The following USP38 variants were observed in gnomAD, a reference collection of about 807,000 sequenced individuals.
USP38 encodes ubiquitin specific peptidase 38, also known as ubiquitin carboxyl-terminal hydrolase 38.
In USP38, 49 loss-of-function variants were observed where a neutral mutation model predicts 94.3. The observed-to-expected ratio is 0.52, with a 90% confidence interval of 0.41 to 0.66. The LOEUF is 0.66. Ranked by LOEUF, USP38 falls within the 30% of genes least tolerant of loss-of-function variation. The pLI is 0.00. For missense variants in USP38, 1,128 were observed against 1,229.4 expected (o/e 0.92, Z 1.23); for synonymous variants, 468 against 463.6 (o/e 1.01, Z -0.12).
Position 143,220,679 on chromosome 4 carries a change from C to T in USP38, c.*223C>T. On this transcript the variant is annotated 3_prime_UTR_variant, in exon 10 of 10. Transcript: ENST00000307017. ...AATTCCATTTGCTTTTATGGTTAGA[C>T]ATGCTTGACCAAAAATGTTCAGAAG... The T allele has an allele frequency of 8.0e-6, 3 of 376,678 alleles. No individual in the cohort carries two copies. The highest frequency in any genetic ancestry group is 1.3e-5 in the Non-Finnish European group (3 of 226,036). The allele number at this position is 376,678 out of a possible 1,614,324, so 23.3% of individuals were successfully genotyped here. A position where few individuals can be genotyped will look rare whatever the true frequency, so the allele number is the denominator to read the frequency against.
chr4:143,216,713 C>A (rs1232910563), intron 9 of USP38, among the ~76,000 whole-genome samples: 1 of 152,070 alleles, frequency 6.6e-6, no homozygotes, highest in African/African-American at 2.4e-5. Flanking sequence ...TGGGCTCAAG[C>A]AATCCTCCCT....
In USP38 at chr4:143,206,180, A is replaced by G. The variant is rs770600573; in HGVS notation, c.1357A>G (p.Thr453Ala). ...GKTGLINLGNTCYMNSVIQAL... is the reference protein window; with the variant it reads ...GKTGLINLGNACYMNSVIQAL... ...AACTGGTCTTATTAACCTAGGAAATACATGTTATATGAACAGTGTTATACA... is the reference window on the plus strand; with the variant it reads ...AACTGGTCTTATTAACCTAGGAAATGCATGTTATATGAACAGTGTTATACA... Residue 453 changes from threonine to alanine, a missense_variant, in exon 6 of 10, where the codon ACA becomes GCA. Thr to Ala is a moderately conservative substitution (Grantham distance 58). Coordinates refer to ENST00000307017, the MANE Select transcript of USP38 (RefSeq NM_032557.6). 2 of 1,613,504 alleles carry G rather than the reference A, an allele frequency of 1.2e-6. No homozygotes were observed. Among genetic ancestry groups the G allele is most frequent in the Non-Finnish European group, 1.7e-6 (2 of 1,179,822 alleles).
chr4:143,186,053 G>A lies in USP38; in HGVS notation c.603G>A (p.Leu201=), dbSNP rs1731213725. ...YVSQVTKVSN[L]LQNIWKAEPA... ...CCCAGGTGACAAAAGTGAGTAACTT[G>A]CTGCAGAACATCTGGAAGGCCGAGC... The change falls in exon 1 of 10, where the codon TTG becomes TTA. Residue 201 remains leucine, a synonymous_variant. Transcript: ENST00000307017. The A allele has an allele frequency of 4.3e-6, 7 of 1,614,092 alleles. No individual in the cohort carries two copies. The highest frequency in any genetic ancestry group is 5.9e-6 in the Non-Finnish European group (7 of 1,180,054).
At position 143,186,758 on chromosome 4, in the gene USP38, G is replaced by C. The variant is rs192887817; in HGVS notation, c.682+626G>C. Among the ~76,000 whole-genome samples the C allele has an allele frequency of 1.7e-3, 265 of 152,308 alleles. 1 individual carries two copies. The highest frequency in any genetic ancestry group is 3.4e-3 in the Middle Eastern group (1 of 294). On this transcript the variant is annotated intron_variant, in intron 1 of 9. Transcript: ENST00000307017. ...CTGCATTCTCAGAAAGCAGAGAAGG[G>C]TCACATGATACTTGCCTAGAAAATG...
intron 3 of USP38, among the ~76,000 whole-genome samples, chr4:143,197,381 A>T (rs1194520874): frequency 6.6e-6 from 1 of 152,066 alleles, no homozygotes; most frequent in Non-Finnish European, 1.5e-5. Context: ...ACTAACCACC[A>T]TGTGTTACTT....
intron 9 of USP38, among the ~76,000 whole-genome samples, chr4:143,217,729 A>T (rs1258417795): frequency 6.6e-6 from 1 of 152,198 alleles, no homozygotes; most frequent in Admixed American, 6.6e-5. Context: ...TACAAGTGTT[A>T]GAAAATGTTG....
chr4:143,209,475 A>G (rs916583443), intron 6 of USP38, 89 bp from the exon 7 acceptor site: 7 of 757,514 alleles, frequency 9.2e-6, no homozygotes, highest in Non-Finnish European at 1.4e-5. Flanking sequence ...GGGCAACAAA[A>G]GGAAACTCTG....
chr4:143,200,848 A>G (rs1328509934), intron 4 of USP38, among the ~76,000 whole-genome samples: 1 of 152,106 alleles, frequency 6.6e-6, no homozygotes, highest in Non-Finnish European at 1.5e-5. Flanking sequence ...ACAATGAGAA[A>G]TACAAAACAG....
chr4:143,194,623 T>C (rs1270598403), intron 2 of USP38, among the ~76,000 whole-genome samples: 1 of 152,148 alleles, frequency 6.6e-6, no homozygotes, highest in Admixed American at 6.5e-5. Flanking sequence ...TTCTCCTGCC[T>C]CAGCCTCCCG....
In USP38 at chr4:143,185,954, T is replaced by G. The variant is rs769784701; in HGVS notation, c.504T>G (p.Cys168Trp). Residue 168 changes from cysteine (C) to tryptophan (W), a missense_variant, in exon 1 of 10, where the codon TGT (cysteine) becomes TGG (tryptophan). Physicochemically the swap from Cys to Trp is radical, Grantham distance 215. Coordinates refer to ENST00000307017, the MANE Select transcript of USP38 (RefSeq NM_032557.6). The part of the protein sequence containing the change: ...IPKGKLSITF[C>W]QQLVRTIGHF... The stretch of plus-strand genomic sequence containing the variant: ...AGGGGAAATTGTCCATCACGTTCTG[T>G]CAACAGCTGGTTCGAACGATAGGCC... 1 of 1,614,126 alleles carries G rather than the reference T, an allele frequency of 6.2e-7. No homozygotes were observed. The highest frequency in any genetic ancestry group is 8.5e-7 in the Non-Finnish European group (1 of 1,180,026).
chr4:143,189,606 G>A (rs527941883), intron 2 of USP38, among the ~76,000 whole-genome samples: 1 of 151,880 alleles, frequency 6.6e-6, no homozygotes, highest in South Asian at 2.1e-4. Flanking sequence ...CTCTTCTAGC[G>A]TTTCTTCTTT....
chr4:143,197,709 C>T (rs1731592431), intron 3 of USP38, 114 bp from the exon 4 acceptor site: 5 of 675,582 alleles, frequency 7.4e-6, no homozygotes, highest in Non-Finnish European at 1.3e-5. Flanking sequence ...TATGTTAGAA[C>T]TTTCCAGAAG....
In USP38 at chr4:143,213,936, T is replaced by G. The variant is rs1363293498; in HGVS notation, c.1960T>G (p.Ser654Ala). 1 of 1,613,640 alleles carries G rather than the reference T, an allele frequency of 6.2e-7. No homozygotes were observed. The highest frequency in any genetic ancestry group is 1.3e-5 in the African/African-American group (1 of 74,894). Residue 654 changes from serine to alanine, a missense_variant, in exon 9 of 10, where the codon TCA becomes GCA. Coordinates refer to ENST00000307017, the MANE Select transcript of USP38 (RefSeq NM_032557.6). ...AATGCAAGCCTCTGTACCCGGTCCT[T>G]CAGAAGAACCAGTAGTTTATAATCC... ...GLMQASVPGP[S>A]EEPVVYNPTT...
chr4:143,185,371 C>G lies in USP38; in HGVS notation c.-80C>G, dbSNP rs1731181582. 2.1e-6 allele frequency: 3 copies of G among 1,461,304 alleles called. No individual in the cohort carries two copies. The highest frequency in any genetic ancestry group is 2.7e-6 in the Non-Finnish European group (3 of 1,095,104). The allele number at this position is 1,461,304 out of a possible 1,614,324, so 90.5% of individuals were successfully genotyped here. A position where few individuals can be genotyped will look rare whatever the true frequency, so the allele number is the denominator to read the frequency against. Reference sequence around the variant, plus strand: ...TGCGGCGCTCCAAGTTCATCTCCGCCCCGGGGCTCTCCTGCCCCACCTCGG... The same window carrying G: ...TGCGGCGCTCCAAGTTCATCTCCGCGCCGGGGCTCTCCTGCCCCACCTCGG... On this transcript the variant is annotated 5_prime_UTR_variant, in exon 1 of 10. Coordinates refer to ENST00000307017, the MANE Select transcript of USP38 (RefSeq NM_032557.6).
In USP38 at chr4:143,185,475, G is replaced by A. The variant is rs764429998; in HGVS notation, c.25G>A (p.Val9Met). The change falls in exon 1 of 10, where the codon GTG becomes ATG. Residue 9 changes from valine (V) to methionine (M), a missense_variant. Transcript: ENST00000307017. The part of the protein sequence containing the change: MDKILEGL[V>M]SSSHPLPLKR... ...AATGGACAAGATCCTGGAGGGCCTTGTGAGTTCCTCGCATCCCCTGCCCCT... is the reference window on the plus strand; with the variant it reads ...AATGGACAAGATCCTGGAGGGCCTTATGAGTTCCTCGCATCCCCTGCCCCT... 4 of 1,599,790 alleles carry A rather than the reference G, an allele frequency of 2.5e-6. No individual in the cohort carries two copies. The African/African-American group carries it at 5.3e-5, about 21-fold the overall frequency.
rs754506809 is a variant in USP38 at position 143,197,870 on chromosome 4, A to C, written c.996A>C (p.Ala332=). 8.7e-6 allele frequency: 14 copies of C among 1,613,880 alleles called. No individual in the cohort carries two copies. In the African/African-American group the frequency reaches 1.7e-4, roughly 20 times the overall value. Residue 332 remains alanine (A), a synonymous_variant, in exon 4 of 10, where the codon GCA becomes GCC. Coordinates refer to ENST00000307017, the MANE Select transcript of USP38 (RefSeq NM_032557.6). ...CTCTTGTGAGACCTGGTGCTCTTGC[A>C]GTTCTTTCTCACATGCTGCTTAGCT... ...WFPLVRPGAL[A]VLSHMLLSFQ...
chr4:143,220,144 AT>A (rs1230321285), intron 9 of USP38, 150 bp from the exon 10 acceptor site: 58 of 704,374 alleles, frequency 8.2e-5, no homozygotes, highest in East Asian at 1.6e-4. Context: ...TCTTAGAGAA[AT>A]TTTTTTTTCT....
chr4:143,199,044 A>C (rs572823798), intron 4 of USP38, among the ~76,000 whole-genome samples: 1 of 152,214 alleles, frequency 6.6e-6, no homozygotes, highest in Admixed American at 6.5e-5. Flanking sequence ...AGGTAAACTC[A>C]TGTCACATGG....
In USP38 at chr4:143,214,028, G is replaced by A. The variant is rs746476649; in HGVS notation, c.2052G>A (p.Glu684=). The A allele has an allele frequency of 1.2e-5, 20 of 1,613,446 alleles. No homozygotes were observed. The Admixed American group carries it at 1.5e-4, about 12-fold the overall frequency. ...AAACCATAGGCAGTCCTCCTAATGA[G>A]TTTTACTGTTCTGAAAACACTTCTG... ...NEKTIGSPPN[E]FYCSENTSVP... Residue 684 remains glutamate (E), a synonymous_variant, in exon 9 of 10, where the codon GAG becomes GAA. Coordinates refer to ENST00000307017, the MANE Select transcript of USP38 (RefSeq NM_032557.6).
Sources: allele counts gnomAD v4.1 joint callset (sites outside exome capture counted in the v4.1 genomes callset), GRCh38; gene constraint gnomAD v4.1.1; transcripts MANE v1.5; gene names NCBI Gene and HGNC (gene_info 2026-07-23, HGNC 2026-07-21).